SAMD5: variants seen among roughly 807,000 people sequenced by gnomAD.
SAMD5 encodes sterile alpha motif domain containing 5.
A neutral mutation model predicts 11.3 loss-of-function variants in SAMD5; 13 were observed. The observed-to-expected ratio is 1.15, with a 90% CI of 0.75 to 1.83. SAMD5 has a LOEUF of 1.83. Ranked by LOEUF, SAMD5 falls within the 40% of genes most tolerant of loss-of-function variation. SAMD5 has a pLI of 0.00. For missense variants in SAMD5, 255 were observed against 239.1 expected, an observed-to-expected ratio of 1.07 and a Z score of -0.44; for synonymous variants, 129 against 111.3, an observed-to-expected ratio of 1.16 and a Z score of -1.00.
At chr6:147,646,215 C>G (rs1583122113) in intron 1 of SAMD5, among the ~76,000 whole-genome samples, 1 of 152,064 alleles carries the variant, frequency 6.6e-6, no homozygotes, top group Non-Finnish European at 1.5e-5. Flanking sequence ...TGGAAGGAAG[C>G]CTTACTGATA....
the SAMD5 span, among the ~76,000 whole-genome samples, chr6:147,870,915 T>C: frequency 6.6e-6 from 1 of 152,120 alleles, no homozygotes. Flanking sequence ...TCCACTGGAT[T>C]ACTGTGCTTT....
intron 1 of SAMD5, among the ~76,000 whole-genome samples, chr6:147,516,388 A>G (rs1015702405): frequency 6.6e-6 from 1 of 152,196 alleles, no homozygotes; most frequent in Non-Finnish European, 1.5e-5. Context: ...AGAACCAGAC[A>G]TCAGAGTTCG....
At chr6:147,634,673 G>C (rs1790198970) in intron 1 of SAMD5, among the ~76,000 whole-genome samples, 2 of 152,122 alleles carry the variant, frequency 1.3e-5, no homozygotes, top group African/African-American at 4.8e-5. Flanking sequence ...TATTTTGAAG[G>C]AGGGATTTTA....
chr6:147,813,696 G>GT, the SAMD5 span, among the ~76,000 whole-genome samples: 1 of 152,180 alleles, frequency 6.6e-6, no homozygotes, highest in Non-Finnish European at 1.5e-5. Context: ...GAATAAAGCT[G>GT]TATTTTCTTC....
At position 147,724,133 on chromosome 6, in the gene SAMD5, A is replaced by G. The variant is rs180981833; in HGVS notation, c.163-13184A>G. Among the ~76,000 whole-genome samples, 26 of 148,748 alleles carry G rather than the reference A, an allele frequency of 1.7e-4. No homozygotes were observed. The East Asian group carries it at 4.4e-3, about 25-fold the overall frequency. ...GAGTAAAATTGTACATGAAAAAAAT[A>G]TATATATTTTTTGAAACAGAGTCTC... On this transcript the variant is annotated intron_variant, in intron 1 of 1. Coordinates refer to the SAMD5 transcript ENST00000566741.
At chr6:147,876,994 C>G in the SAMD5 span, among the ~76,000 whole-genome samples, 1 of 152,092 alleles carries the variant, frequency 6.6e-6, no homozygotes, top group Non-Finnish European at 1.5e-5. Flanking sequence ...ATTTTGGAGG[C>G]AGACAGGCCC....
intron 1 of SAMD5, among the ~76,000 whole-genome samples, chr6:147,560,223 T>C (rs1486394683): frequency 6.6e-6 from 1 of 152,318 alleles, no homozygotes; most frequent in East Asian, 1.9e-4. Flanking sequence ...AGGCTCTCCA[T>C]GCAAATTCCC....
At chr6:147,791,403 T>C in the SAMD5 span, among the ~76,000 whole-genome samples, 1 of 152,172 alleles carries the variant, frequency 6.6e-6, no homozygotes, top group Admixed American at 6.5e-5. Flanking sequence ...TTTAGGTTGT[T>C]TGTCATGGTT....
chr6:147,616,212 A>ATTT (rs1562334309), intron 1 of SAMD5, among the ~76,000 whole-genome samples: 14 of 132,552 alleles, frequency 1.1e-4, no homozygotes, highest in South Asian at 2.1e-4. Context: ...ATTCATATAT[A>ATTT]CTTCATATAT....
At chr6:147,669,356 T>C (rs1193535234) in intron 1 of SAMD5, among the ~76,000 whole-genome samples, 4 of 150,510 alleles carry the variant, frequency 2.7e-5, no homozygotes, top group African/African-American at 7.3e-5. Context: ...AAGAAGCAAC[T>C]CCTTATCCAT....
At chr6:147,827,088 G>A in the SAMD5 span, among the ~76,000 whole-genome samples, 3 of 152,302 alleles carry the variant, frequency 2.0e-5, no homozygotes, top group Non-Finnish European at 4.4e-5. Context: ...ATAGGAAAAT[G>A]AGTTAGGTTA....
the SAMD5 span, among the ~76,000 whole-genome samples, chr6:147,918,585 A>G: frequency 2.6e-5 from 4 of 151,900 alleles, no homozygotes; most frequent in South Asian, 8.3e-4. Context: ...ATGATTGTAT[A>G]TTTAGAAAAC....
chr6:147,908,504 A>G, the SAMD5 span, among the ~76,000 whole-genome samples: 2 of 152,336 alleles, frequency 1.3e-5, no homozygotes, highest in Admixed American at 6.5e-5. Context: ...TGGTGCCTGC[A>G]TATGATTTTG....
At chr6:147,900,173 G>A in the SAMD5 span, among the ~76,000 whole-genome samples, 152 of 152,282 alleles carry the variant, frequency 1.0e-3, no homozygotes, top group African/African-American at 3.4e-3. Context: ...GATTGTAACA[G>A]CTGTAGAGCA....
At chr6:147,919,618 C>G in the SAMD5 span, among the ~76,000 whole-genome samples, 1 of 152,180 alleles carries the variant, frequency 6.6e-6, no homozygotes, top group African/African-American at 2.4e-5. Flanking sequence ...GAAAAAACCA[C>G]AATACTTTTC....
chr6:147,816,458 A>C, the SAMD5 span, among the ~76,000 whole-genome samples: 2 of 150,868 alleles, frequency 1.3e-5, no homozygotes, highest in Non-Finnish European at 3.0e-5. Context: ...AATATTAAAC[A>C]TGTACAGAAT....
chr6:147,552,102 G>A (rs1788785085), intron 1 of SAMD5, among the ~76,000 whole-genome samples: 1 of 152,072 alleles, frequency 6.6e-6, no homozygotes, highest in East Asian at 1.9e-4. Flanking sequence ...TGGAATTGAG[G>A]TTCCTGCAGA....
At chr6:147,682,136 G>C (rs531769970) in intron 1 of SAMD5, among the ~76,000 whole-genome samples, 8 of 152,188 alleles carry the variant, frequency 5.3e-5, no homozygotes, top group Middle Eastern at 3.4e-3. Context: ...ATTTACAGTG[G>C]CATCAGGCTC....
intron 1 of SAMD5, among the ~76,000 whole-genome samples, chr6:147,653,725 C>T (rs1458861886): frequency 1.3e-5 from 2 of 152,124 alleles, no homozygotes; most frequent in Admixed American, 6.5e-5. Flanking sequence ...TACTGATATT[C>T]CATGCACTTC....
Sources: gnomAD v4.1 joint callset for allele counts (sites outside exome capture counted in the v4.1 genomes callset) on GRCh38, gnomAD v4.1.1 for gene constraint, MANE v1.5 for transcripts, NCBI Gene and HGNC (gene_info 2026-07-23, HGNC 2026-07-21) for gene names.